Variants in STARD13 observed in about 807,000 individuals in gnomAD.
STARD13 encodes stAR-related lipid transfer protein 13.
A neutral mutation model predicts 106.4 loss-of-function variants in STARD13; 62 were observed. The observed-to-expected ratio is 0.58, with a 90% confidence interval of 0.48 to 0.72. STARD13 has a LOEUF of 0.72. Ranked by LOEUF, STARD13 falls within the 30% of genes least tolerant of loss-of-function variation. STARD13 has a pLI of 0.00. For synonymous variants in STARD13, 565 were observed against 553.0 expected (o/e 1.02, Z -0.31); for missense variants, 1,387 against 1,424.0 (o/e 0.97, Z 0.42).
At chr13:33,327,445 C>T (rs1280627205) in intron 1 of STARD13, among the ~76,000 whole-genome samples, 1 of 152,202 alleles carries the variant, frequency 6.6e-6, no homozygotes, top group Non-Finnish European at 1.5e-5. Flanking sequence ...TCATAGCTCA[C>T]TGCAGCCTCA....
chr13:33,261,586 T>C (rs1890643681), intron 1 of STARD13, among the ~76,000 whole-genome samples: 1 of 152,220 alleles, frequency 6.6e-6, no homozygotes, highest in Non-Finnish European at 1.5e-5. Flanking sequence ...ATAACATCTT[T>C]GGACTTTCAG....
the STARD13 span, among the ~76,000 whole-genome samples, chr13:33,423,656 G>T: frequency 1.3e-5 from 2 of 152,178 alleles, no homozygotes; most frequent in Admixed American, 6.5e-5. Context: ...CATGTTTATT[G>T]CAGCACTAGT....
chr13:33,106,869 T>C lies in STARD13; in HGVS notation c.3113A>G (p.Glu1038Gly). The change falls in exon 13 of 14, where the codon GAA becomes GGA. Residue 1038 changes from glutamate to glycine, a missense_variant. Coordinates refer to ENST00000336934, the MANE Select transcript of STARD13 (RefSeq NM_178006.4). ...TCGCACACCACCCAGGAGCTGGGCT[T>C]CCTCATGCTCCACGGAGAGGGACAC... ...TLVSLSVEHEEAQLLGGVRAV... is the reference protein window; with the variant it reads ...TLVSLSVEHEGAQLLGGVRAV... 6.2e-7 allele frequency: 1 copy of C among 1,614,172 alleles called. No individual in the cohort carries two copies. The highest frequency in any genetic ancestry group is 8.5e-7 in the Non-Finnish European group (1 of 1,180,014).
chr13:33,406,846 G>C, the STARD13 span, among the ~76,000 whole-genome samples: 1 of 152,066 alleles, frequency 6.6e-6, no homozygotes. Flanking sequence ...TGAGACCTCA[G>C]CCAGGCACGG....
At chr13:33,430,413 GAC>G in the STARD13 span, among the ~76,000 whole-genome samples, 1 of 152,006 alleles carries the variant, frequency 6.6e-6, no homozygotes, top group Non-Finnish European at 1.5e-5. Context: ...ATTTTTAAAA[GAC>G]AGGCAACAAT....
intron 1 of STARD13, among the ~76,000 whole-genome samples, chr13:33,338,746 T>G (rs1397856468): frequency 6.6e-6 from 1 of 151,740 alleles, no homozygotes; most frequent in Non-Finnish European, 1.5e-5. Context: ...TAGCCAGGCG[T>G]GGTGGCATGT....
chr13:33,460,719 GTA>G, the STARD13 span, among the ~76,000 whole-genome samples: 1 of 151,316 alleles, frequency 6.6e-6, no homozygotes, highest in African/African-American at 2.4e-5. Flanking sequence ...AAAGCATCAT[GTA>G]GAATCAACTC....
chr13:33,588,852 C>G, the STARD13 span, among the ~76,000 whole-genome samples: 5 of 152,208 alleles, frequency 3.3e-5, no homozygotes, highest in African/African-American at 1.2e-4. Context: ...TTCGCCCCCT[C>G]ACTTAACTCA....
intron 3 of STARD13, among the ~76,000 whole-genome samples, chr13:33,149,469 G>A (rs753619253): frequency 2.0e-5 from 3 of 152,118 alleles, no homozygotes; most frequent in African/African-American, 7.2e-5. Flanking sequence ...TTATCTATGT[G>A]TCTTCTGTTC....
chr13:33,549,669 T>A, the STARD13 span, among the ~76,000 whole-genome samples: 8 of 152,366 alleles, frequency 5.3e-5, no homozygotes, highest in African/African-American at 1.9e-4. Flanking sequence ...CATGGATCAA[T>A]GAATGAATAA....
chr13:33,501,477 GGTA>G, the STARD13 span, among the ~76,000 whole-genome samples: 3 of 152,032 alleles, frequency 2.0e-5, no homozygotes, highest in African/African-American at 7.3e-5. Flanking sequence ...TGTCCTTAAT[GGTA>G]TTGCCTAGGT....
chr13:33,468,790 C>G, the STARD13 span, among the ~76,000 whole-genome samples: 1 of 152,134 alleles, frequency 6.6e-6, no homozygotes, highest in Non-Finnish European at 1.5e-5. Flanking sequence ...AAGACAGTAA[C>G]CTTCTGTTCT....
chr13:33,177,312 C>T (rs1413365098), intron 1 of STARD13, among the ~76,000 whole-genome samples: 1 of 152,162 alleles, frequency 6.6e-6, no homozygotes, highest in East Asian at 1.9e-4. Flanking sequence ...GTAGCAAAAT[C>T]TAAACCTAAG....
At chr13:33,146,618 A>G (rs989967663) in intron 3 of STARD13, among the ~76,000 whole-genome samples, 1 of 152,242 alleles carries the variant, frequency 6.6e-6, no homozygotes, top group East Asian at 1.9e-4. Context: ...ATAAAAAATA[A>G]TGCAAGTGAG....
At chr13:33,451,905 AGTT>A in the STARD13 span, among the ~76,000 whole-genome samples, 4 of 152,264 alleles carry the variant, frequency 2.6e-5, no homozygotes, top group Admixed American at 2.6e-4. Flanking sequence ...AGTCACTAAA[AGTT>A]GGTAATTATG....
chr13:33,414,032 C>CAAAAAAAAAAA, the STARD13 span, among the ~76,000 whole-genome samples: 1 of 48,180 alleles, frequency 2.1e-5, no homozygotes, highest in African/African-American at 9.1e-5. Flanking sequence ...GATTCCCTCT[C>CAAAAAAAAAAA]AAAAAAAAAA....
intron 1 of STARD13, among the ~76,000 whole-genome samples, chr13:33,229,566 C>G (rs913329200): frequency 1.6e-4 from 25 of 152,148 alleles, no homozygotes; most frequent in Non-Finnish European, 4.4e-5. Flanking sequence ...TACTAAAAGT[C>G]ACATCACCCG....
chr13:33,487,612 A>T, the STARD13 span, among the ~76,000 whole-genome samples: 2 of 152,286 alleles, frequency 1.3e-5, no homozygotes, highest in South Asian at 4.1e-4. Context: ...CACTCACATC[A>T]TTAGAAAGCT....
chr13:33,348,039 A>T (rs1199735229), downstream of STARD13, among the ~76,000 whole-genome samples: 1 of 152,208 alleles, frequency 6.6e-6, no homozygotes, highest in Admixed American at 6.5e-5. Flanking sequence ...CAGGCATCCC[A>T]GCTTGCTTAG....
Sources: gnomAD v4.1 joint callset for allele counts (sites outside exome capture counted in the v4.1 genomes callset) on GRCh38, gnomAD v4.1.1 for gene constraint, MANE v1.5 for transcripts, NCBI Gene and HGNC (gene_info 2026-07-23, HGNC 2026-07-21) for gene names.